OSBPL8: variants seen among roughly 807,000 people sequenced by gnomAD.
OSBPL8 encodes the protein oxysterol-binding protein-related protein 8.
OSBPL8 carries 59 observed loss-of-function variants against 125.5 expected under a neutral mutation model. That is an observed-to-expected ratio of 0.47 (90% CI 0.38 to 0.58). OSBPL8 has a LOEUF of 0.58. OSBPL8 is among the 20% of genes least tolerant of loss of function. The probability of loss-of-function intolerance (pLI) is 0.00; values close to 1 mark genes in which losing one functional copy is unlikely to be tolerated. For missense variants in OSBPL8, 758 were observed against 1,047.8 expected (o/e 0.72, Z 3.82); for synonymous variants, 330 against 338.9 (o/e 0.97, Z 0.29).
chr12:76,410,916 C>T (rs1405047243), intron 4 of OSBPL8, among the ~76,000 whole-genome samples: 1 of 152,172 alleles, frequency 6.6e-6, no homozygotes, highest in African/African-American at 2.4e-5. Context: ...AGCTTTTATT[C>T]TAGTGAGCTG....
intron 21 of OSBPL8, among the ~76,000 whole-genome samples, chr12:76,367,229 G>GGTT (rs1555206640): frequency 2.0e-5 from 3 of 147,168 alleles, no homozygotes; most frequent in Non-Finnish European, 4.5e-5. Context: ...TTTGTTGATT[G>GGTT]GTGTGTGTGT....
At chr12:76,558,480 C>T (rs1224676230) in intron 1 of OSBPL8, among the ~76,000 whole-genome samples, 1 of 152,228 alleles carries the variant, frequency 6.6e-6, no homozygotes, top group Non-Finnish European at 1.5e-5. Flanking sequence ...GCAGGAGACA[C>T]TGTATTACTA....
In OSBPL8 at chr12:76,375,342, C is replaced by T; in HGVS notation, c.1758G>A (p.Glu586=). Residue 586 remains glutamate, a synonymous_variant, in exon 17 of 24, where the codon GAG becomes GAA. Transcript: ENST00000261183. The part of the protein sequence containing the change: ...KGILYGTMTL[E]LGGTVNITCQ... ...ATGTAATATTGACTGTTCCACCAAG[C>T]TCCAGTGTCATTGTACCATAAAGAA... 1.9e-6 allele frequency: 3 copies of T among 1,612,086 alleles called. No homozygotes were observed. The highest frequency in any genetic ancestry group is 2.5e-6 in the Non-Finnish European group (3 of 1,179,030).
At chr12:76,508,119 C>T (rs955594747) in intron 1 of OSBPL8, among the ~76,000 whole-genome samples, 13 of 151,176 alleles carry the variant, frequency 8.6e-5, no homozygotes, top group African/African-American at 2.9e-4. Flanking sequence ...TGCAGTGAGC[C>T]GAGATTGCGC....
At chr12:76,384,400 A>G (rs1447287617) in intron 14 of OSBPL8, 50 bp from the exon 15 acceptor site, 2 of 1,005,582 alleles carry the variant, frequency 2.0e-6, no homozygotes, top group African/African-American at 1.6e-5. Flanking sequence ...AAACATGTTT[A>G]TATAAAATAT....
intron 21 of OSBPL8, among the ~76,000 whole-genome samples, chr12:76,361,129 C>T (rs1472602437): frequency 6.6e-6 from 1 of 152,170 alleles, no homozygotes; most frequent in African/African-American, 2.4e-5. Context: ...TGTTCTGTTT[C>T]CCTTTTAAAA....
At chr12:76,476,535 T>C (rs1302878877) in intron 2 of OSBPL8, among the ~76,000 whole-genome samples, 1 of 151,910 alleles carries the variant, frequency 6.6e-6, no homozygotes, top group Non-Finnish European at 1.5e-5. Context: ...AAAATGAATA[T>C]GATCCAATAA....
chr12:76,423,538 G>A (rs1411530984), intron 4 of OSBPL8, among the ~76,000 whole-genome samples: 1 of 151,942 alleles, frequency 6.6e-6, no homozygotes, highest in African/African-American at 2.4e-5. Flanking sequence ...TTTTTTAAAA[G>A]CAACTTTATT....
chr12:76,375,402 AAGAGT>A, intron 16 of OSBPL8, 32 bp from the exon 17 acceptor site: 1 of 1,462,010 alleles, frequency 6.8e-7, no homozygotes, highest in Non-Finnish European at 9.6e-7. Context: ...AAAAATTGAA[AAGAGT>A]ATAGTATAGT....
chr12:76,468,856 A>C (rs567832762), intron 2 of OSBPL8, among the ~76,000 whole-genome samples: 51 of 152,354 alleles, frequency 3.3e-4, no homozygotes, highest in African/African-American at 1.2e-3. Context: ...AATGTCCAAC[A>C]GGGTAGCTAC....
At chr12:76,477,468 A>T (rs187089928) in intron 2 of OSBPL8, among the ~76,000 whole-genome samples, 26 of 152,286 alleles carry the variant, frequency 1.7e-4, no homozygotes, top group African/African-American at 6.3e-4. Context: ...ATCATGAAAA[A>T]CATATCAAAC....
intron 3 of OSBPL8, among the ~76,000 whole-genome samples, chr12:76,453,893 T>C (rs192917525): frequency 1.1e-4 from 17 of 152,296 alleles, no homozygotes; most frequent in Non-Finnish European, 1.9e-4. Context: ...GGCAAAGACT[T>C]GAACAGTGAT....
At chr12:76,501,801 A>C (rs1384365482) in intron 1 of OSBPL8, among the ~76,000 whole-genome samples, 2 of 152,264 alleles carry the variant, frequency 1.3e-5, no homozygotes, top group Non-Finnish European at 2.9e-5. Flanking sequence ...CTAGTTGCCC[A>C]GTGGCAGGTA....
In OSBPL8 at chr12:76,558,666, A is replaced by T. The variant is rs576838059; in HGVS notation, c.-68+731T>A. ...AAATGAAATTAGGTTACGTTCTGCA[A>T]CGCAGATGTGTCTCATAAAGAAGAG... On this transcript the variant is annotated intron_variant, in intron 1 of 23. Coordinates refer to ENST00000261183, the MANE Select transcript of OSBPL8 (RefSeq NM_020841.5). Among the ~76,000 whole-genome samples, 8 of 152,378 alleles carry T rather than the reference A, an allele frequency of 5.3e-5. No homozygotes were observed. The South Asian group carries it at 1.7e-3, about 32-fold the overall frequency.
Position 76,363,333 on chromosome 12 carries a change from C to T in OSBPL8, c.2329-4522G>A, listed in dbSNP as rs140106006. Among the ~76,000 whole-genome samples, 1,023 of 152,226 alleles carry T rather than the reference C, an allele frequency of 6.7e-3. 11 individuals carry two copies. The highest frequency in any genetic ancestry group is 0.021 in the African/African-American group (858 of 41,556). The stretch of plus-strand genomic sequence containing the variant: ...AGATATATAGACCGATGGAACAGAA[C>T]AGAGGCCTCAGAAATAACGCCACAC... On this transcript the variant is annotated intron_variant, in intron 21 of 23. Coordinates refer to ENST00000261183, the MANE Select transcript of OSBPL8 (RefSeq NM_020841.5).
At chr12:76,472,131 C>T (rs2136922803) in intron 2 of OSBPL8, among the ~76,000 whole-genome samples, 1 of 152,340 alleles carries the variant, frequency 6.6e-6, no homozygotes, top group South Asian at 2.1e-4. Flanking sequence ...GTCCTGACTC[C>T]ATCGTCTACT....
chr12:76,517,826 A>G (rs1401649815), intron 1 of OSBPL8, among the ~76,000 whole-genome samples: 1 of 152,156 alleles, frequency 6.6e-6, no homozygotes, highest in East Asian at 1.9e-4. Flanking sequence ...GGGAGGTGCC[A>G]TACTCTTTCA....
chr12:76,464,307 A>C (rs771803224), intron 2 of OSBPL8, among the ~76,000 whole-genome samples: 56 of 152,184 alleles, frequency 3.7e-4, no homozygotes, highest in Non-Finnish European at 5.7e-4. Context: ...CAGTTTCTCT[A>C]ATTGACTCCA....
chr12:76,399,822 C>T, intron 7 of OSBPL8, 51 bp downstream of exon 7: 1 of 1,446,776 alleles, frequency 6.9e-7, no homozygotes, highest in Non-Finnish European at 9.4e-7. Flanking sequence ...CTTTTCCATT[C>T]CAGTAGGTAA....
Sources: gnomAD v4.1 joint callset for allele counts (sites outside exome capture counted in the v4.1 genomes callset) on GRCh38, gnomAD v4.1.1 for gene constraint, MANE v1.5 for transcripts, NCBI Gene and HGNC (gene_info 2026-07-23, HGNC 2026-07-21) for gene names.